The following GLT1D1 variants were observed in gnomAD, a reference collection of about 807,000 sequenced individuals.
GLT1D1 encodes glycosyltransferase 1 domain-containing protein 1.
A neutral mutation model predicts 28.7 loss-of-function variants in GLT1D1; 21 were observed. The observed-to-expected ratio is 0.73, with a 90% CI of 0.52 to 1.05. GLT1D1 has a LOEUF of 1.05. GLT1D1 is among the 50% of genes least tolerant of loss of function. GLT1D1 has a pLI of 0.00. For synonymous variants in GLT1D1, 147 were observed against 124.8 expected, an observed-to-expected ratio of 1.18 and a Z score of -1.19; for missense variants, 343 against 330.6, an observed-to-expected ratio of 1.04 and a Z score of -0.29.
At chr12:128,910,609 G>C (rs886602226) in intron 4 of GLT1D1, among the ~76,000 whole-genome samples, 1 of 151,174 alleles carries the variant, frequency 6.6e-6, no homozygotes, top group African/African-American at 2.4e-5. Context: ...GCTTTCCAGG[G>C]AAATTATAAT....
intron 4 of GLT1D1, 140 bp downstream of exon 4, chr12:128,899,427 A>G: frequency 1.4e-6 from 1 of 697,942 alleles, no homozygotes; most frequent in Non-Finnish European, 2.6e-6. Context: ...TATGTTTCCC[A>G]TAGATTGATT....
At chr12:128,969,082 C>A (rs571623956) in intron 7 of GLT1D1, among the ~76,000 whole-genome samples, 1 of 151,972 alleles carries the variant, frequency 6.6e-6, no homozygotes, top group South Asian at 2.1e-4. Flanking sequence ...GTCTCTGTAG[C>A]CCTCGTCCTC....
chr12:128,921,056 C>G (rs1221210304), intron 4 of GLT1D1, among the ~76,000 whole-genome samples: 1 of 152,146 alleles, frequency 6.6e-6, no homozygotes, highest in African/African-American at 2.4e-5. Flanking sequence ...AGAGTTGATG[C>G]TTACGTGTGA....
At chr12:128,945,498 T>G in intron 5 of GLT1D1, 129 bp downstream of exon 9, 9 of 794,826 alleles carry the variant, frequency 1.1e-5, no homozygotes, top group Non-Finnish European at 1.8e-5. Flanking sequence ...CTCATGCATC[T>G]TCCCGGCGAG....
chr12:128,980,002 C>T (rs539683512), intron 7 of GLT1D1, among the ~76,000 whole-genome samples: 2 of 152,256 alleles, frequency 1.3e-5, no homozygotes, highest in Non-Finnish European at 2.9e-5. Flanking sequence ...ATCTCACTCT[C>T]ACACCATTGA....
intron 6 of GLT1D1, among the ~76,000 whole-genome samples, chr12:128,954,509 A>G (rs936091218): frequency 6.6e-6 from 1 of 152,072 alleles, no homozygotes; most frequent in Admixed American, 6.6e-5. Flanking sequence ...CTTGGGATTT[A>G]TGGGTGTGGA....
chr12:128,979,529 AC>A (rs1055409007), intron 7 of GLT1D1, among the ~76,000 whole-genome samples: 1 of 151,590 alleles, frequency 6.6e-6, no homozygotes, highest in African/African-American at 2.4e-5. Context: ...ATCTCAATAA[AC>A]CCACTGGAAG....
At chr12:128,947,042 T>C (rs1286484427) in intron 5 of GLT1D1, among the ~76,000 whole-genome samples, 3 of 152,226 alleles carry the variant, frequency 2.0e-5, no homozygotes, top group African/African-American at 7.2e-5. Context: ...CTCTAAATCA[T>C]GCAGAGAAAA....
intron 4 of GLT1D1, among the ~76,000 whole-genome samples, chr12:128,903,880 G>A (rs1426590492): frequency 6.6e-6 from 1 of 151,598 alleles, no homozygotes; most frequent in East Asian, 1.9e-4. Context: ...ACAGGCTCCC[G>A]CCATCATGCC....
intron 4 of GLT1D1, among the ~76,000 whole-genome samples, chr12:128,941,106 C>T (rs1204245587): frequency 6.6e-6 from 1 of 152,176 alleles, no homozygotes; most frequent in South Asian, 2.1e-4. Flanking sequence ...TCTGGTGTAA[C>T]TCACGTGGCA....
At chr12:128,854,335 T>C (rs1956154574) in intron 1 of GLT1D1, among the ~76,000 whole-genome samples, 1 of 151,982 alleles carries the variant, frequency 6.6e-6, no homozygotes, top group African/African-American at 2.4e-5. Flanking sequence ...CGGATAAACA[T>C]ATTCCTTGAG....
At chr12:128,923,105 A>G (rs937448056) in intron 4 of GLT1D1, among the ~76,000 whole-genome samples, 1 of 152,134 alleles carries the variant, frequency 6.6e-6, no homozygotes, top group Non-Finnish European at 1.5e-5. Context: ...GTTGGGTATT[A>G]ATTTTTTGAA....
chr12:128,961,044 A>G (rs1473458273), intron 7 of GLT1D1, among the ~76,000 whole-genome samples: 4 of 152,228 alleles, frequency 2.6e-5, no homozygotes, highest in Non-Finnish European at 4.4e-5. Context: ...CAAAACAGAA[A>G]ACTGATTTTA....
chr12:128,875,913 G>T lies in GLT1D1; in HGVS notation c.69-1G>T. 6.2e-7 allele frequency: 1 copy of T among 1,610,210 alleles called. No individual in the cohort carries two copies. Among genetic ancestry groups the T allele is most frequent in the Non-Finnish European group, 8.5e-7 (1 of 1,178,852 alleles). Reference sequence around the variant, plus strand: ...TCCTTTCTCTGTATTTTTTGATAAAGGGCCCATCTAGAGGCTGCAGGGCAC... The same window carrying T: ...TCCTTTCTCTGTATTTTTTGATAAATGGCCCATCTAGAGGCTGCAGGGCAC... On this transcript the variant is annotated splice_acceptor_variant, in intron 1 of 7. Coordinates refer to ENST00000281703, the MANE Select transcript of GLT1D1 (RefSeq NM_144669.3). LOFTEE classifies it high-confidence loss of function.
chr12:128,924,782 T>C (rs750676074), intron 4 of GLT1D1, among the ~76,000 whole-genome samples: 2 of 152,080 alleles, frequency 1.3e-5, no homozygotes, highest in Non-Finnish European at 2.9e-5. Flanking sequence ...AGGGTACCGG[T>C]GTGAACGGGG....
At chr12:128,982,534 A>G (rs1191527391) in intron 7 of GLT1D1, among the ~76,000 whole-genome samples, 1 of 152,152 alleles carries the variant, frequency 6.6e-6, no homozygotes, top group African/African-American at 2.4e-5. Flanking sequence ...GGTAACACCT[A>G]ATTTCACATC....
chr12:128,957,110 T>G (rs192146098), intron 6 of GLT1D1, among the ~76,000 whole-genome samples: 4 of 152,324 alleles, frequency 2.6e-5, no homozygotes, highest in Admixed American at 2.6e-4. Context: ...CCTTTTACTT[T>G]TGTCTGCATG....
intron 4 of GLT1D1, among the ~76,000 whole-genome samples, chr12:128,902,520 TC>T (rs1870399146): frequency 6.6e-6 from 1 of 150,672 alleles, no homozygotes; most frequent in African/African-American, 2.5e-5. Context: ...AAAGAAAAGT[TC>T]CCTGATGCAG....
intron 7 of GLT1D1, among the ~76,000 whole-genome samples, chr12:128,981,168 C>T (rs1049633147): frequency 6.6e-6 from 1 of 152,226 alleles, no homozygotes; most frequent in African/African-American, 2.4e-5. Flanking sequence ...ACGTTGCTTA[C>T]TCATAACCCC....
Sources: allele counts gnomAD v4.1 joint callset (sites outside exome capture counted in the v4.1 genomes callset), GRCh38; gene constraint gnomAD v4.1.1; transcripts MANE v1.5; gene names NCBI Gene and HGNC (gene_info 2026-07-23, HGNC 2026-07-21).